DNAH8: variants seen among roughly 807,000 people sequenced by gnomAD.
DNAH8 encodes the protein axonemal beta dynein heavy chain 8.
Under a neutral mutation model 562.1 loss-of-function variants are expected in DNAH8, and 382 were observed. That is an observed-to-expected ratio of 0.68 (90% CI 0.63 to 0.74). The LOEUF is 0.74. DNAH8 is among the 30% of genes least tolerant of loss of function. The probability of loss-of-function intolerance (pLI) is 0.00; values close to 1 mark genes in which losing one functional copy is unlikely to be tolerated. For synonymous variants in DNAH8, 1,881 were observed against 1,919.4 expected, an observed-to-expected ratio of 0.98 and a Z score of 0.52; for missense variants, 5,203 against 5,620.4, an observed-to-expected ratio of 0.93 and a Z score of 2.37.
intron 37 of DNAH8, 32 bp from the exon 38 acceptor site, chr6:38,850,219 C>T: frequency 6.3e-7 from 1 of 1,598,280 alleles, no homozygotes; most frequent in Non-Finnish European, 8.5e-7. Context: ...TATCCAAATG[C>T]TAATCTTTAC....
In DNAH8 at chr6:38,977,229, T is replaced by C. The variant is rs1763736716; in HGVS notation, c.12834+2700T>C. Among the ~76,000 whole-genome samples, 8 of 152,262 alleles carry C rather than the reference T, an allele frequency of 5.3e-5. No individual in the cohort carries two copies. In the South Asian group the frequency reaches 1.7e-3, roughly 32 times the overall value. ...AGGCTTTCCCAGGAGGAGGGTGCCC[T>C]GGGTGCTGCCATGGGAACATGCATA... is the stretch of plus-strand genomic sequence containing the variant. On this transcript the variant is annotated intron_variant, in intron 85 of 92. Coordinates refer to ENST00000327475, the MANE Select transcript of DNAH8 (RefSeq NM_001206927.2).
rs1562876432 is a variant in DNAH8, at chr6:38,814,088, T to A, written c.3292T>A (p.Ser1098Thr). Residue 1098 changes from serine (S) to threonine (T), a missense_variant, in exon 25 of 93, where the codon TCC becomes ACC. This residue lies in a region of DNAH8 where 2,176 missense variants were observed against 2,365.1 expected (regional missense o/e 0.92). Coordinates refer to ENST00000327475, the MANE Select transcript of DNAH8 (RefSeq NM_001206927.2). ...GCGAAAGCAGTCAGAAGATATTATT[T>A]CCTTTATAAAAAGTGAAGTACATCT... ...YGRKQSEDII[S>T]FIKSEVHLAI... The A allele has an allele frequency of 6.3e-7, 1 of 1,593,216 alleles. No individual in the cohort carries two copies. The highest frequency in any genetic ancestry group is 8.6e-7 in the Non-Finnish European group (1 of 1,162,298).
intron 27 of DNAH8, 141 bp from the exon 28 acceptor site, chr6:38,823,421 G>C: frequency 1.6e-6 from 1 of 631,490 alleles, no homozygotes; most frequent in East Asian, 2.6e-5. Context: ...CTTCCTGGTG[G>C]ACACCCTATT....
rs1458756930 is a variant in DNAH8 at position 38,949,531 on chromosome 6, A to C, written c.12209A>C (p.Asn4070Thr). The change falls in exon 81 of 93, where the codon AAT becomes ACT. Residue 4070 changes from asparagine to threonine, a missense_variant. Asn to Thr is a moderately conservative substitution (Grantham distance 65). Coordinates refer to ENST00000327475, the MANE Select transcript of DNAH8 (RefSeq NM_001206927.2). The part of the protein sequence containing the change: ...PEEEIIPDGY[N>T]DSLDTCHKLL... ...GAGGAAATTATCCCTGATGGATATAATGATTCACTAGATACCTGCCATAAA... is the reference window on the plus strand; with the variant it reads ...GAGGAAATTATCCCTGATGGATATACTGATTCACTAGATACCTGCCATAAA... 10 of 1,612,156 alleles carry C rather than the reference A, an allele frequency of 6.2e-6. No individual in the cohort carries two copies. The highest frequency in any genetic ancestry group is 1.3e-5 in the African/African-American group (1 of 74,880).
intron 74 of DNAH8, among the ~76,000 whole-genome samples, 190 bp downstream of exon 74, chr6:38,926,400 TCCTC>T (rs147335543): frequency 0.074 from 11,175 of 151,882 alleles, 475 homozygotes; most frequent in African/African-American, 0.11. Flanking sequence ...TCTCTTTGGA[TCCTC>T]CCTCCCCCTC....
intron 32 of DNAH8, among the ~76,000 whole-genome samples, chr6:38,836,377 G>A (rs1475988224): frequency 6.6e-6 from 1 of 151,616 alleles, no homozygotes; most frequent in African/African-American, 2.4e-5. Context: ...AACCTGGGAG[G>A]CGAAGGTTGC....
rs201271697 is a variant in DNAH8, at chr6:38,908,145, C to T, written c.9513+25C>T. ...AGTAAGTTTTTATTTTTATTTATAT[C>T]TACGTAGAAAGAGTTCCTTATTTAA... On this transcript the variant is annotated intron_variant, in intron 64 of 92. Coordinates refer to ENST00000327475, the MANE Select transcript of DNAH8 (RefSeq NM_001206927.2). The T allele has an allele frequency of 1.7e-5, 24 of 1,434,922 alleles. No individual in the cohort carries two copies. In the East Asian group the frequency reaches 4.8e-4, roughly 29 times the overall value. The allele number at this position is 1,434,922 out of a possible 1,614,324, so 88.9% of individuals were successfully genotyped here.
In DNAH8 at chr6:38,898,262, C is replaced by G; in HGVS notation, c.8945C>G (p.Pro2982Arg). The G allele has an allele frequency of 6.3e-7, 1 of 1,588,632 alleles. No individual in the cohort carries two copies. Among genetic ancestry groups the G allele is most frequent in the East Asian group, 2.3e-5 (1 of 43,294 alleles). Residue 2982 changes from proline to arginine, a missense_variant, in exon 61 of 93, where the codon CCA becomes CGA. By Grantham distance (103) the Pro-to-Arg change is moderately radical. Around this residue, in one of 6 missense-constraint regions of DNAH8, gnomAD observed 977 missense variants for 1,061.8 expected, o/e 0.92. Transcript: ENST00000327475. The stretch of plus-strand genomic sequence containing the variant: ...TATCTTTCTCTCCACCCATAGATGC[C>G]ATCCTTTGACTTTCTGGCTGAAAAA... ...FEVPKIYELMPSFDFLAEKLQ... is the reference protein window; with the variant it reads ...FEVPKIYELMRSFDFLAEKLQ...
At chr6:38,750,635 C>G in intron 9 of DNAH8, 46 bp downstream of exon 9, 1 of 1,196,862 alleles carries the variant, frequency 8.4e-7, no homozygotes, top group African/African-American at 1.5e-5. Context: ...GGCAGTGGCT[C>G]GCATCTGTGA....
At chr6:38,823,796 GATATA>G in intron 28 of DNAH8, 108 bp downstream of exon 28, 1 of 524,452 alleles carries the variant, frequency 1.9e-6, no homozygotes, top group South Asian at 4.0e-5. Flanking sequence ...ATTATACCAA[GATATA>G]ATAATAATAA....
At chr6:38,981,039 G>GTGTA (rs1425348454) in intron 85 of DNAH8, among the ~76,000 whole-genome samples, 3 of 149,914 alleles carry the variant, frequency 2.0e-5, no homozygotes, top group Non-Finnish European at 3.0e-5. Flanking sequence ...GTGTGTGTGT[G>GTGTA]TGTGTGTGTG....
At chr6:38,722,069 GGT>G (rs1762796614) in intron 1 of DNAH8, among the ~76,000 whole-genome samples, 2 of 152,076 alleles carry the variant, frequency 1.3e-5, no homozygotes, top group African/African-American at 4.8e-5. Context: ...TAATTTCCAT[GGT>G]TATGTGCTCA....
intron 62 of DNAH8, among the ~76,000 whole-genome samples, chr6:38,904,521 T>C (rs1405077101): frequency 1.3e-5 from 2 of 152,096 alleles, no homozygotes; most frequent in East Asian, 3.9e-4. Flanking sequence ...CCGGGCGCCC[T>C]GGCTCACGCC....
At chr6:38,979,612 T>C (rs538243898) in intron 85 of DNAH8, among the ~76,000 whole-genome samples, 3 of 152,336 alleles carry the variant, frequency 2.0e-5, no homozygotes, top group Admixed American at 6.5e-5. Flanking sequence ...TTTATGACTT[T>C]AGTGAACCAA....
chr6:38,879,723 G>A lies in DNAH8; in HGVS notation c.7859-3187G>A, dbSNP rs370092216. Among the ~76,000 whole-genome samples, 2 of 138,262 alleles carry A rather than the reference G, an allele frequency of 1.4e-5. 1 individual carries two copies. The highest frequency in any genetic ancestry group is 6.8e-3 in the Middle Eastern group (2 of 294). The allele number at this position is 138,262 out of a possible 152,430, so 90.7% of individuals were successfully genotyped here. ...TGTACTAGAGGTTCTAGCCAGTGCA[G>A]TGGGGGGCAAATCAAATGTCTATAG... On this transcript the variant is annotated intron_variant, in intron 53 of 92. Coordinates refer to ENST00000327475, the MANE Select transcript of DNAH8 (RefSeq NM_001206927.2).
At chr6:38,717,401 G>A (rs922106071) in intron 1 of DNAH8, among the ~76,000 whole-genome samples, 31 of 152,046 alleles carry the variant, frequency 2.0e-4, no homozygotes, top group African/African-American at 6.3e-4. Flanking sequence ...TTGGCTCACT[G>A]CAGCCTTGAC....
At chr6:38,718,532 C>A (rs1408566884) in intron 1 of DNAH8, among the ~76,000 whole-genome samples, 1 of 152,162 alleles carries the variant, frequency 6.6e-6, no homozygotes, top group African/African-American at 2.4e-5. Context: ...TAAGGAAAAT[C>A]TCTCCAAAAT....
intron 11 of DNAH8, chr6:38,763,642 T>C (rs572493794): frequency 6.9e-4 from 120 of 172,858 alleles, no homozygotes; most frequent in African/African-American, 2.6e-3. Flanking sequence ...GATGAAACCC[T>C]GTCTCTACAA....
At chr6:38,730,799 G>C (rs912559120) in intron 4 of DNAH8, among the ~76,000 whole-genome samples, 1 of 152,182 alleles carries the variant, frequency 6.6e-6, no homozygotes. Flanking sequence ...TGAATTTGCT[G>C]CTCCTTTTAA....
Sources: allele counts gnomAD v4.1 joint callset (sites outside exome capture counted in the v4.1 genomes callset), GRCh38; gene constraint gnomAD v4.1.1; regional missense constraint gnomAD v4.1.1; transcripts MANE v1.5; gene names NCBI Gene and HGNC (gene_info 2026-07-23, HGNC 2026-07-21).